PPP1R12A: variants seen among roughly 807,000 people sequenced by gnomAD.
The protein encoded by PPP1R12A is protein phosphatase 1 regulatory subunit 12A.
A neutral mutation model predicts 139.6 loss-of-function variants in PPP1R12A; 19 were observed. The ratio of observed to expected loss-of-function variants is 0.14; its 90% CI spans 0.09 to 0.20. The LOEUF is 0.20. PPP1R12A is among the 10% of genes least tolerant of loss of function. The pLI is 1.00. For synonymous variants in PPP1R12A, 427 were observed against 420.6 expected (o/e 1.02, Z -0.19); for missense variants, 925 against 1,211.5 (o/e 0.76, Z 3.51).
At chr12:79,871,153 G>A (rs191212720) in intron 2 of PPP1R12A, among the ~76,000 whole-genome samples, 21 of 152,276 alleles carry the variant, frequency 1.4e-4, no homozygotes, top group African/African-American at 5.1e-4. Flanking sequence ...TGACATCACT[G>A]AGTGGCTTAA....
chr12:79,877,361 G>A (rs1438407148), intron 1 of PPP1R12A, among the ~76,000 whole-genome samples: 1 of 152,122 alleles, frequency 6.6e-6, no homozygotes, highest in Non-Finnish European at 1.5e-5. Context: ...ACAGGGCAGT[G>A]GTTAAAAGAA....
At chr12:79,794,815 T>G (rs555297330) in intron 18 of PPP1R12A, among the ~76,000 whole-genome samples, 1 of 152,176 alleles carries the variant, frequency 6.6e-6, no homozygotes, top group South Asian at 2.1e-4. Context: ...TAGAAGTAAA[T>G]GTACTGCTAC....
intron 9 of PPP1R12A, among the ~76,000 whole-genome samples, chr12:79,817,152 T>C (rs1875505310): frequency 6.6e-6 from 1 of 152,152 alleles, no homozygotes; most frequent in Non-Finnish European, 1.5e-5. Context: ...AACTATCAAC[T>C]GTATGTAATA....
At chr12:79,829,822 C>T (rs761742657) in intron 4 of PPP1R12A, among the ~76,000 whole-genome samples, 2 of 151,228 alleles carry the variant, frequency 1.3e-5, no homozygotes, top group African/African-American at 4.9e-5. Flanking sequence ...GTCTGTGTGG[C>T]GAGAAAAAAA....
chr12:79,873,963 A>G (rs1015500796), intron 1 of PPP1R12A, among the ~76,000 whole-genome samples: 3 of 152,210 alleles, frequency 2.0e-5, no homozygotes, highest in African/African-American at 7.2e-5. Flanking sequence ...AATGAACAAA[A>G]TGAGTCTGTC....
intron 2 of PPP1R12A, among the ~76,000 whole-genome samples, chr12:79,858,752 T>C (rs1352560529): frequency 6.6e-6 from 1 of 152,126 alleles, no homozygotes; most frequent in Admixed American, 6.5e-5. Flanking sequence ...GCAAGATGCC[T>C]AGTCTGTTCA....
chr12:79,797,502 T>C, intron 15 of PPP1R12A, 107 bp from the exon 16 acceptor site: 2 of 1,092,164 alleles, frequency 1.8e-6, no homozygotes, highest in East Asian at 5.2e-5. Flanking sequence ...AAGTCAAATA[T>C]GCATGTTTAA....
rs539721174 is a variant in PPP1R12A, at chr12:79,776,442, A to G, written c.3007-427T>C. Among the ~76,000 whole-genome samples the G allele has an allele frequency of 1.3e-5, 2 of 152,240 alleles. 1 individual carries two copies. The highest frequency in any genetic ancestry group is 4.8e-5 in the African/African-American group (2 of 41,574). On this transcript the variant is annotated intron_variant, in intron 24 of 24. Transcript: ENST00000450142. ...TAATATTGTTCCACAAGAAAGTCAAACTACCTAGGAAAACATTGAGGAAAT... is the reference window on the plus strand; with the variant it reads ...TAATATTGTTCCACAAGAAAGTCAAGCTACCTAGGAAAACATTGAGGAAAT...
chr12:79,818,092 G>C (rs1440650363), intron 8 of PPP1R12A, among the ~76,000 whole-genome samples: 1 of 152,090 alleles, frequency 6.6e-6, no homozygotes, highest in East Asian at 1.9e-4. Flanking sequence ...ACTGTGTAGA[G>C]AATCAATCAA....
chr12:79,797,195 C>A lies in PPP1R12A; in HGVS notation c.2292G>T (p.Glu764Asp). 6.3e-7 allele frequency: 1 copy of A among 1,578,626 alleles called. No individual in the cohort carries two copies. Among genetic ancestry groups the A allele is most frequent in the East Asian group, 2.3e-5 (1 of 44,322 alleles). The stretch of plus-strand genomic sequence containing the variant: ...AAATGTGCTTTTGATATACTGTTAC[C>A]TCATCATACGTTCTGGAGTACTTTT... ...YKQKYSRTYD[E>D]TYQRYRPVST... is the part of the protein sequence containing the mutation. Residue 764 changes from glutamate to aspartate, a missense_variant and splice_region_variant, in exon 16 of 25, where the codon GAG (glutamate) becomes GAT (aspartate). By Grantham distance (45) the Glu-to-Asp change is conservative (BLOSUM62 2). Transcript: ENST00000450142.
intron 3 of PPP1R12A, among the ~76,000 whole-genome samples, chr12:79,843,212 C>T (rs1199198693): frequency 6.6e-6 from 1 of 152,020 alleles, no homozygotes; most frequent in Non-Finnish European, 1.5e-5. Context: ...CATCTTTTGG[C>T]TAATATGAAT....
intron 1 of PPP1R12A, among the ~76,000 whole-genome samples, chr12:79,894,444 T>C (rs556549670): frequency 6.6e-6 from 1 of 152,120 alleles, no homozygotes; most frequent in Non-Finnish European, 1.5e-5. Context: ...GGCTTTGGGA[T>C]TCCCATGGAT....
chr12:79,820,647 T>C, intron 8 of PPP1R12A, 127 bp downstream of exon 8: 1 of 869,458 alleles, frequency 1.2e-6, no homozygotes, highest in South Asian at 1.7e-5. Context: ...GAAAGATAAT[T>C]TAGTAGTGTG....
chr12:79,851,360 A>G (rs1183289023), intron 2 of PPP1R12A, among the ~76,000 whole-genome samples: 2 of 152,180 alleles, frequency 1.3e-5, no homozygotes, highest in African/African-American at 4.8e-5. Flanking sequence ...CTGTATCCCA[A>G]TGAAAGATAC....
intron 9 of PPP1R12A, among the ~76,000 whole-genome samples, chr12:79,812,405 T>TGTGTGTGA (rs1255741858): frequency 6.6e-6 from 1 of 151,016 alleles, no homozygotes; most frequent in African/African-American, 2.4e-5. Context: ...TGTGTGTGTG[T>TGTGTGTGA]GTGTGTGTGT....
At chr12:79,807,205 G>T (rs551350921) in intron 12 of PPP1R12A, 21 bp downstream of exon 12, 2 of 1,359,108 alleles carry the variant, frequency 1.5e-6, no homozygotes, top group South Asian at 1.4e-5. Context: ...CATAAAAACC[G>T]CTTAAGAATA....
intron 2 of PPP1R12A, among the ~76,000 whole-genome samples, chr12:79,871,656 A>C (rs1186981837): frequency 6.6e-6 from 1 of 152,184 alleles, no homozygotes; most frequent in Non-Finnish European, 1.5e-5. Flanking sequence ...CCAGAGCCTA[A>C]TCATTAAGTG....
chr12:79,824,890 G>A (rs887879390), intron 5 of PPP1R12A: 3 of 151,938 alleles, frequency 2.0e-5, no homozygotes, highest in Non-Finnish European at 2.9e-5. Context: ...AGTCCAATAC[G>A]TCTATTAAGA....
intron 23 of PPP1R12A, among the ~76,000 whole-genome samples, chr12:79,780,901 T>TTA (rs1306096509): frequency 6.6e-6 from 1 of 152,198 alleles, no homozygotes; most frequent in Non-Finnish European, 1.5e-5. Flanking sequence ...AACACTATTT[T>TTA]TATATTCTTT....
Sources: gnomAD v4.1 joint callset for allele counts (sites outside exome capture counted in the v4.1 genomes callset) on GRCh38, gnomAD v4.1.1 for gene constraint, MANE v1.5 for transcripts, NCBI Gene and HGNC (gene_info 2026-07-23, HGNC 2026-07-21) for gene names.